TTC21B: variants seen among roughly 807,000 people sequenced by gnomAD.
TTC21B encodes tetratricopeptide repeat protein 21B.
A neutral mutation model predicts 175.1 loss-of-function variants in TTC21B; 127 were observed. That is an observed-to-expected ratio of 0.73 (90% CI 0.63 to 0.84). The LOEUF (loss-of-function observed/expected upper bound fraction) is 0.84, where lower values mean the gene tolerates loss of function less well. Ranked by LOEUF, TTC21B falls within the 40% of genes least tolerant of loss-of-function variation. The pLI is 0.00. For missense variants in TTC21B, 1,561 were observed against 1,558.3 expected (o/e 1.00, Z -0.03); for synonymous variants, 524 against 524.5 (o/e 1.00, Z 0.01).
intron 3 of TTC21B, 146 bp from the exon 4 acceptor site, chr2:165,945,836 T>C (rs1687539618): frequency 1.5e-6 from 1 of 673,348 alleles, no homozygotes; most frequent in African/African-American, 1.8e-5. Context: ...ATATGTAACT[T>C]AAAATTTTCT....
intron 12 of TTC21B, 67 bp from the exon 13 acceptor site, chr2:165,919,500 GGAA>G (rs1486748636): frequency 6.5e-7 from 1 of 1,532,818 alleles, no homozygotes; most frequent in Non-Finnish European, 9.0e-7. Flanking sequence ...AGAGGGAAGA[GGAA>G]GAAGAGTGTT....
chr2:165,878,982 A>G (rs1172868553), intron 27 of TTC21B, among the ~76,000 whole-genome samples: 1 of 152,110 alleles, frequency 6.6e-6, no homozygotes, highest in African/African-American at 2.4e-5. Context: ...GCGCCTGGCC[A>G]TGAGCATGAT....
At position 165,899,896 on chromosome 2, in the gene TTC21B, C is replaced by T. The variant is rs1685495500; in HGVS notation, c.2758-16G>A. 1 of 1,457,330 alleles carries T rather than the reference C, an allele frequency of 6.9e-7. No homozygotes were observed. The highest frequency in any genetic ancestry group is 1.4e-5 in the African/African-American group (1 of 70,712). The allele number at this position is 1,457,330 out of a possible 1,614,324, so 90.3% of individuals were successfully genotyped here. A position where few individuals can be genotyped will look rare whatever the true frequency, so the allele number is the denominator to read the frequency against. ...CCAACATAATCTGTAGAGCAAAGGG[C>T]TAGATTCATCAGACACTGTATAGAA... On this transcript the variant is annotated splice_polypyrimidine_tract_variant and intron_variant, in intron 20 of 28. Transcript: ENST00000243344.
At chr2:165,892,555 T>G (rs1685232369) in intron 22 of TTC21B, among the ~76,000 whole-genome samples, 1 of 152,202 alleles carries the variant, frequency 6.6e-6, no homozygotes, top group African/African-American at 2.4e-5. Flanking sequence ...AAAGAAAATT[T>G]TGACATACAC....
chr2:165,951,770 T>C lies in TTC21B; in HGVS notation c.21+1915A>G, dbSNP rs542635058. On this transcript the variant is annotated intron_variant, in intron 1 of 28. Transcript: ENST00000243344. ...TGTCCCCCCGGAAAACCTACATTTT[T>C]CAGATGAGACTGTAATCTGAAGACT... is the stretch of plus-strand genomic sequence containing the variant. Among the ~76,000 whole-genome samples, 5 of 152,358 alleles carry C rather than the reference T, an allele frequency of 3.3e-5. 1 individual carries two copies. The South Asian group carries it at 1.0e-3, about 32-fold the overall frequency.
intron 27 of TTC21B, among the ~76,000 whole-genome samples, chr2:165,878,586 T>C (rs1684744098): frequency 6.6e-6 from 1 of 152,114 alleles, no homozygotes; most frequent in African/African-American, 2.4e-5. Flanking sequence ...AAATGATTAC[T>C]GCAGTCAAGC....
intron 19 of TTC21B, 27 bp from the exon 20 acceptor site, chr2:165,901,937 T>TAAA: frequency 4.7e-6 from 6 of 1,284,494 alleles, no homozygotes; most frequent in Non-Finnish European, 5.3e-6. Context: ...TAAAAGGGAA[T>TAAA]AAAAAAAAAA....
intron 14 of TTC21B, 24 bp downstream of exon 14, chr2:165,917,233 C>A (rs910479143): frequency 2.5e-6 from 4 of 1,593,410 alleles, no homozygotes; most frequent in Non-Finnish European, 3.4e-6. Context: ...CACATCCGAG[C>A]CCTTAAATTA....
intron 12 of TTC21B, among the ~76,000 whole-genome samples, 174 bp from the exon 13 acceptor site, chr2:165,919,607 T>A (rs1311878517): frequency 2.0e-5 from 3 of 152,130 alleles, no homozygotes; most frequent in Admixed American, 6.5e-5. Flanking sequence ...TTCCTTCTAG[T>A]CTACATGAAT....
chr2:165,951,135 C>A (rs1208348115), intron 1 of TTC21B, among the ~76,000 whole-genome samples: 3 of 152,280 alleles, frequency 2.0e-5, no homozygotes, highest in South Asian at 2.1e-4. Context: ...ATGCTCCATT[C>A]CCTAAAGTTG....
intron 8 of TTC21B, 29 bp downstream of exon 8, chr2:165,931,729 G>A (rs755400092): frequency 6.4e-7 from 1 of 1,563,390 alleles, no homozygotes; most frequent in Non-Finnish European, 8.8e-7. Flanking sequence ...ATAGATAACA[G>A]AGCTCTGGTA....
At chr2:165,896,107 C>G (rs553714002) in intron 22 of TTC21B, among the ~76,000 whole-genome samples, 1 of 129,526 alleles carries the variant, frequency 7.7e-6, no homozygotes, top group East Asian at 2.4e-4. Context: ...ATTGCCACCT[C>G]TGTGTCTCTG....
intron 15 of TTC21B, among the ~76,000 whole-genome samples, chr2:165,914,058 A>C (rs1439626291): frequency 6.6e-6 from 1 of 152,220 alleles, no homozygotes; most frequent in Non-Finnish European, 1.5e-5. Flanking sequence ...TTATATGCTG[A>C]AATAAATTAC....
At chr2:165,946,291 A>G (rs904237651) in intron 3 of TTC21B, among the ~76,000 whole-genome samples, 3 of 152,006 alleles carry the variant, frequency 2.0e-5, no homozygotes, top group African/African-American at 7.3e-5. Context: ...GTGAGCAGAG[A>G]TCGCGCCACT....
chr2:165,947,595 T>C (rs1408175725), intron 3 of TTC21B: 1 of 152,124 alleles, frequency 6.6e-6, no homozygotes, highest in Non-Finnish European at 1.5e-5. Flanking sequence ...AAGCAGGCAT[T>C]GTACAGGAAA....
chr2:165,901,577 C>A, intron 20 of TTC21B, 145 bp downstream of exon 20: 1 of 746,984 alleles, frequency 1.3e-6, no homozygotes. Flanking sequence ...CATGCCTTGG[C>A]CTCCCAAAGG....
chr2:165,918,591 G>A (rs987689374), intron 13 of TTC21B, among the ~76,000 whole-genome samples: 1 of 152,070 alleles, frequency 6.6e-6, no homozygotes, highest in Non-Finnish European at 1.5e-5. Context: ...CACCACGCCC[G>A]GCCTTCTGCA....
In TTC21B at chr2:165,899,785, G is replaced by C; in HGVS notation, c.2853C>G (p.Asn951Lys). 1 of 1,612,146 alleles carries C rather than the reference G, an allele frequency of 6.2e-7. No homozygotes were observed. The highest frequency in any genetic ancestry group is 1.1e-5 in the South Asian group (1 of 91,034). ...TTGGACTGACCATGGTAGCAGCTTCGTTATCCTGGTCACTCTGAAGCAGTA... is the reference window on the plus strand; with the variant it reads ...TTGGACTGACCATGGTAGCAGCTTCCTTATCCTGGTCACTCTGAAGCAGTA... Reference protein sequence around the residue: ...CALLLQSDQDNEAATMMMADL... With the variant: ...CALLLQSDQDKEAATMMMADL... The change falls in exon 21 of 29, where the codon AAC becomes AAG. Residue 951 changes from asparagine (N) to lysine (K), a missense_variant. Transcript: ENST00000243344.
At chr2:165,900,579 A>T (rs754790915) in intron 20 of TTC21B, among the ~76,000 whole-genome samples, 1 of 152,172 alleles carries the variant, frequency 6.6e-6, no homozygotes, top group Non-Finnish European at 1.5e-5. Context: ...CTTTACATTT[A>T]TTCTCCCACT....
Sources: allele counts gnomAD v4.1 joint callset (sites outside exome capture counted in the v4.1 genomes callset), GRCh38; gene constraint gnomAD v4.1.1; transcripts MANE v1.5; gene names NCBI Gene and HGNC (gene_info 2026-07-23, HGNC 2026-07-21).